SLC25A48: variants seen among roughly 807,000 people sequenced by gnomAD.
SLC25A48 encodes the protein solute carrier family 25 member 48.
Under a neutral mutation model 32.2 loss-of-function variants are expected in SLC25A48, and 29 were observed. The ratio of observed to expected loss-of-function variants is 0.90; its 90% CI spans 0.67 to 1.23. The LOEUF is 1.23. Among genes scored for constraint, SLC25A48 ranks in the 50% most tolerant of loss-of-function variants. SLC25A48 has a pLI of 0.00. For missense variants in SLC25A48, 399 were observed against 422.7 expected (o/e 0.94, Z 0.49); for synonymous variants, 164 against 172.3 (o/e 0.95, Z 0.38).
intron 3 of SLC25A48, among the ~76,000 whole-genome samples, chr5:135,662,062 A>G (rs1753413766): frequency 6.6e-6 from 1 of 152,204 alleles, no homozygotes; most frequent in African/African-American, 2.4e-5. Flanking sequence ...GGCAATGCAT[A>G]CAAATCCCTT....
chr5:135,720,050 G>A (rs1270014658), intron 3 of SLC25A48, among the ~76,000 whole-genome samples: 1 of 152,242 alleles, frequency 6.6e-6, no homozygotes, highest in Admixed American at 6.5e-5. Context: ...CCAAGTATAA[G>A]CCTTTCAGTA....
chr5:135,721,492 C>T (rs182178885), intron 3 of SLC25A48, among the ~76,000 whole-genome samples: 35 of 152,166 alleles, frequency 2.3e-4, no homozygotes, highest in Admixed American at 2.0e-3. Context: ...TGTGAACCAC[C>T]GCACCCGGCC....
At position 135,597,818 on chromosome 5, in the gene SLC25A48, A is replaced by G. The variant is rs190337807; in HGVS notation, c.-849+18221A>G. Among the ~76,000 whole-genome samples, 3 of 152,316 alleles carry G rather than the reference A, an allele frequency of 2.0e-5. No homozygotes were observed. The East Asian group carries it at 5.8e-4, about 29-fold the overall frequency. ...CAGGAATTTGAGACTAGCCTGACCA[A>G]CATGGTGAAACCTTGCCTCTACTAA... On this transcript the variant is annotated intron_variant, in intron 1 of 10. Coordinates refer to the SLC25A48 transcript ENST00000646290.
chr5:135,664,133 A>C (rs2126936604), intron 3 of SLC25A48, among the ~76,000 whole-genome samples: 1 of 152,382 alleles, frequency 6.6e-6, no homozygotes, highest in African/African-American at 2.4e-5. Flanking sequence ...TTCTCTGCAG[A>C]ACCATGGACA....
At chr5:135,620,220 G>A (rs1239924708) in intron 1 of SLC25A48, among the ~76,000 whole-genome samples, 3 of 152,154 alleles carry the variant, frequency 2.0e-5, no homozygotes, top group African/African-American at 7.2e-5. Flanking sequence ...TAGGTTGATT[G>A]GACCTGACTT....
At chr5:135,596,649 C>G (rs1751658591) in intron 1 of SLC25A48, among the ~76,000 whole-genome samples, 1 of 152,098 alleles carries the variant, frequency 6.6e-6, no homozygotes, top group African/African-American at 2.4e-5. Flanking sequence ...GGTTGTCAGC[C>G]CCTTCTTGCC....
chr5:135,647,109 CACCAAAA>C (rs1466924186), intron 3 of SLC25A48, among the ~76,000 whole-genome samples: 1 of 151,912 alleles, frequency 6.6e-6, no homozygotes, highest in Non-Finnish European at 1.5e-5. Context: ...TCATGTTCTG[CACCAAAA>C]ACACATACGG....
chr5:135,717,608 A>C (rs1754836016), intron 3 of SLC25A48, among the ~76,000 whole-genome samples: 1 of 152,158 alleles, frequency 6.6e-6, no homozygotes, highest in Non-Finnish European at 1.5e-5. Flanking sequence ...GGGAGACTCA[A>C]ACATGGCTAC....
intron 3 of SLC25A48, among the ~76,000 whole-genome samples, chr5:135,740,049 T>C (rs1045968817): frequency 7.2e-5 from 11 of 152,208 alleles, no homozygotes; most frequent in Admixed American, 7.2e-4. Flanking sequence ...TTCTAAACTA[T>C]ATAGACAATC....
intron 3 of SLC25A48, 133 bp from the exon 4 acceptor site, chr5:135,852,430 C>G: frequency 8.9e-7 from 1 of 1,125,466 alleles, no homozygotes; most frequent in Non-Finnish European, 1.3e-6. Flanking sequence ...TACCTCCTGT[C>G]GCATCAGCAC....
At chr5:135,588,292 A>G (rs987394451) in intron 1 of SLC25A48, among the ~76,000 whole-genome samples, 2 of 152,278 alleles carry the variant, frequency 1.3e-5, no homozygotes, top group Non-Finnish European at 2.9e-5. Flanking sequence ...TGTGGAGGAA[A>G]AAAAGCCACT....
At chr5:135,647,975 G>C (rs140484289) in intron 3 of SLC25A48, among the ~76,000 whole-genome samples, 1 of 152,146 alleles carries the variant, frequency 6.6e-6, no homozygotes, top group East Asian at 1.9e-4. Flanking sequence ...GGGGCATAGG[G>C]CCTCCTGGTG....
chr5:135,841,461 C>A (rs1009530838), intron 1 of SLC25A48, among the ~76,000 whole-genome samples: 1 of 152,056 alleles, frequency 6.6e-6, no homozygotes, highest in East Asian at 1.9e-4. Flanking sequence ...TCCTACTGGG[C>A]TCTTCAGCTG....
chr5:135,813,091 A>G (rs17597761), intron 4 of SLC25A48: 58,062 of 152,114 alleles, frequency 0.38, 12,612 homozygotes, highest in Non-Finnish European at 0.49. Flanking sequence ...GTTAGAACAT[A>G]AAGCTGATTT....
chr5:135,794,392 AGAT>A (rs1445816404), intron 3 of SLC25A48, among the ~76,000 whole-genome samples: 6 of 151,744 alleles, frequency 4.0e-5, no homozygotes, highest in Admixed American at 2.0e-4. Flanking sequence ...CCACGAGAGG[AGAT>A]GATGATATCA....
chr5:135,613,412 A>G (rs1752117995), intron 1 of SLC25A48, among the ~76,000 whole-genome samples: 1 of 152,092 alleles, frequency 6.6e-6, no homozygotes, highest in African/African-American at 2.4e-5. Flanking sequence ...TTTACTGTGC[A>G]GAAGCTTTTA....
At chr5:135,744,504 A>C (rs1021590808) in intron 3 of SLC25A48, among the ~76,000 whole-genome samples, 2 of 83,940 alleles carry the variant, frequency 2.4e-5, no homozygotes, top group Non-Finnish European at 5.7e-5. Context: ...ATGCCAGCTA[A>C]TTTTTGTGTT....
chr5:135,696,555 T>A (rs1264892993), intron 3 of SLC25A48, among the ~76,000 whole-genome samples: 5 of 152,158 alleles, frequency 3.3e-5, no homozygotes, highest in Non-Finnish European at 7.4e-5. Flanking sequence ...TCTCCTTGGC[T>A]CCCTGTGCTC....
At chr5:135,711,506 G>C (rs1225182433) in intron 3 of SLC25A48, among the ~76,000 whole-genome samples, 1 of 152,176 alleles carries the variant, frequency 6.6e-6, no homozygotes, top group Non-Finnish European at 1.5e-5. Flanking sequence ...GGGTATGCTG[G>C]TGGGTTCTCA....
Sources: allele counts gnomAD v4.1 joint callset (sites outside exome capture counted in the v4.1 genomes callset), GRCh38; gene constraint gnomAD v4.1.1; transcripts MANE v1.5; gene names NCBI Gene and HGNC (gene_info 2026-07-23, HGNC 2026-07-21).